The following DOCK10 variants were observed in gnomAD, a reference collection of about 807,000 sequenced individuals.
DOCK10 encodes the protein dedicator of cytokinesis 10, also known as dedicator of cytokinesis protein 10.
In DOCK10, 145 loss-of-function variants were observed where a neutral mutation model predicts 280.1. The observed-to-expected ratio is 0.52, with a 90% confidence interval of 0.45 to 0.59. The LOEUF (loss-of-function observed/expected upper bound fraction) is 0.59. Ranked by LOEUF, DOCK10 falls within the 20% of genes least tolerant of loss-of-function variation. DOCK10 has a pLI of 0.00. For missense variants in DOCK10, 2,368 were observed against 2,651.7 expected (o/e 0.89, Z 2.35); for synonymous variants, 915 against 942.2 (o/e 0.97, Z 0.53).
At chr2:224,837,727 G>A (rs1228481332) in intron 25 of DOCK10, 35 bp downstream of exon 25, 19 of 1,566,066 alleles carry the variant, frequency 1.2e-5, no homozygotes, top group Non-Finnish European at 1.7e-5. Flanking sequence ...CACAGCACAA[G>A]GGGATATGAG....
At chr2:224,949,666 A>G (rs1430980599) in intron 1 of DOCK10, among the ~76,000 whole-genome samples, 1 of 152,218 alleles carries the variant, frequency 6.6e-6, no homozygotes, top group Non-Finnish European at 1.5e-5. Context: ...GGTTAAAATT[A>G]CAGAATCATC....
chr2:225,026,100 G>C (rs570420979), intron 1 of DOCK10, among the ~76,000 whole-genome samples: 43 of 152,192 alleles, frequency 2.8e-4, no homozygotes, highest in Admixed American at 7.9e-4. Flanking sequence ...AAAAGGAAGT[G>C]TCCTCTGGGT....
intron 1 of DOCK10, among the ~76,000 whole-genome samples, chr2:224,961,085 G>A (rs956887745): frequency 1.3e-5 from 2 of 152,076 alleles, no homozygotes; most frequent in Admixed American, 6.5e-5. Context: ...AATCCTCCTC[G>A]TTGCAGCAAC....
chr2:224,806,699 G>A (rs542917694), intron 33 of DOCK10, among the ~76,000 whole-genome samples: 50 of 152,164 alleles, frequency 3.3e-4, no homozygotes, highest in African/African-American at 1.1e-3. Context: ...CAACCTCCTG[G>A]CTCAAGCGAT....
At chr2:224,784,237 C>T (rs1020148620) in intron 50 of DOCK10, among the ~76,000 whole-genome samples, 2 of 152,078 alleles carry the variant, frequency 1.3e-5, no homozygotes, top group African/African-American at 4.8e-5. Context: ...CACCATAGAC[C>T]CCCATCACTC....
chr2:224,874,846 G>A, intron 8 of DOCK10, 95 bp from the exon 9 acceptor site: 2 of 1,086,390 alleles, frequency 1.8e-6, no homozygotes, highest in Non-Finnish European at 2.8e-6. Flanking sequence ...AGGCTTAAGA[G>A]CTAAGAGGGA....
intron 38 of DOCK10, 118 bp from the exon 39 acceptor site, chr2:224,804,331 A>G (rs892260352): frequency 3.4e-6 from 2 of 594,480 alleles, no homozygotes; most frequent in Non-Finnish European, 5.8e-6. Flanking sequence ...CTGTGAATTA[A>G]TCAAAAATAA....
intron 3 of DOCK10, among the ~76,000 whole-genome samples, chr2:224,908,121 G>A (rs148980781): frequency 1.5e-4 from 23 of 149,502 alleles, no homozygotes; most frequent in African/African-American, 5.2e-4. Context: ...CTTGCCGAAC[G>A]TTCTGTGCCT....
intron 25 of DOCK10, among the ~76,000 whole-genome samples, chr2:224,836,910 T>A (rs1029383662): frequency 1.3e-5 from 2 of 152,104 alleles, no homozygotes; most frequent in Non-Finnish European, 2.9e-5. Flanking sequence ...ATTTTTTTTT[T>A]AACAAGTTTC....
intron 2 of DOCK10, among the ~76,000 whole-genome samples, chr2:224,917,110 T>C (rs1422118506): frequency 1.3e-5 from 1 of 76,036 alleles, no homozygotes; most frequent in Non-Finnish European, 3.3e-5. Context: ...TCTTTTTTTT[T>C]TTTTTTTTTT....
chr2:224,846,620 C>T (rs1194889965), intron 19 of DOCK10, among the ~76,000 whole-genome samples: 5 of 151,940 alleles, frequency 3.3e-5, no homozygotes, highest in African/African-American at 4.8e-5. Context: ...CCTCAGCCTC[C>T]CGAGTAGCTG....
intron 40 of DOCK10, among the ~76,000 whole-genome samples, chr2:224,801,061 T>A (rs1388568471): frequency 6.6e-6 from 1 of 152,010 alleles, no homozygotes; most frequent in Non-Finnish European, 1.5e-5. Context: ...GAAAGGCAAT[T>A]GTGGAGACCA....
chr2:224,830,555 T>C lies in DOCK10; in HGVS notation c.3022A>G (p.Thr1008Ala), dbSNP rs1189121471. The C allele has an allele frequency of 6.6e-7, 1 of 1,508,646 alleles. No individual in the cohort carries two copies. Among genetic ancestry groups the C allele is most frequent in the Admixed American group, 1.8e-5 (1 of 54,578 alleles). The allele number at this position is 1,508,646 out of a possible 1,614,324, so 93.5% of individuals were successfully genotyped here. A position where few individuals can be genotyped will look rare whatever the true frequency, so the allele number is the denominator to read the frequency against. Residue 1008 changes from threonine (T) to alanine (A), a missense_variant, in exon 27 of 56, where the codon ACA (threonine) becomes GCA (alanine). Thr to Ala is a moderately conservative substitution (Grantham distance 58, BLOSUM62 0). This residue lies in a region of DOCK10 where 1,209 missense variants were observed against 1,250.9 expected (regional missense o/e 0.97). Coordinates refer to ENST00000258390, the MANE Select transcript of DOCK10 (RefSeq NM_014689.3). ...TATGTTCTTACCTGGATTTTATTTG[T>C]GTCAATCAAGTGCTGTGCCATCGAT... ...LKSMAQHLID[T>A]NKIQLPRPQR...
At chr2:224,940,655 T>G (rs1336924366) in intron 1 of DOCK10, among the ~76,000 whole-genome samples, 1 of 152,152 alleles carries the variant, frequency 6.6e-6, no homozygotes, top group Non-Finnish European at 1.5e-5. Context: ...GATCTCTAAT[T>G]TTCCATTAAG....
intron 1 of DOCK10, among the ~76,000 whole-genome samples, chr2:224,950,572 G>A (rs1307519843): frequency 6.6e-6 from 1 of 152,198 alleles, no homozygotes; most frequent in East Asian, 1.9e-4. Context: ...GGCCATGAAG[G>A]AGATGGGTAA....
chr2:224,928,090 G>A (rs959075870), intron 2 of DOCK10, among the ~76,000 whole-genome samples: 4 of 152,180 alleles, frequency 2.6e-5, no homozygotes, highest in Admixed American at 2.6e-4. Context: ...CTTGCTGACT[G>A]CATGGACACT....
chr2:224,925,452 T>C (rs1369710963), intron 2 of DOCK10, among the ~76,000 whole-genome samples: 1 of 152,192 alleles, frequency 6.6e-6, no homozygotes, highest in Non-Finnish European at 1.5e-5. Flanking sequence ...AATATGAAGA[T>C]GGAATTTGAG....
rs778444390 is a variant in DOCK10, at chr2:224,840,088, A to C, written c.2662-16T>G. ...TCAATAAGTTCTGTAGTAAATTGGCAGAAAAAAAGGATACCAATTAAATTT... is the reference window on the plus strand; with the variant it reads ...TCAATAAGTTCTGTAGTAAATTGGCCGAAAAAAAGGATACCAATTAAATTT... On this transcript the variant is annotated splice_polypyrimidine_tract_variant and intron_variant, in intron 23 of 55. Coordinates refer to ENST00000258390, the MANE Select transcript of DOCK10 (RefSeq NM_014689.3). The C allele has an allele frequency of 4.0e-6, 5 of 1,263,586 alleles. No homozygotes were observed. Among genetic ancestry groups the C allele is most frequent in the Non-Finnish European group, 5.6e-6 (5 of 896,802 alleles). 78.3% of individuals were successfully genotyped at this position (1,263,586 alleles called of 1,614,324 possible).
chr2:225,017,424 G>A (rs1575167528), intron 1 of DOCK10, among the ~76,000 whole-genome samples: 2 of 105,664 alleles, frequency 1.9e-5, no homozygotes, highest in East Asian at 3.2e-4. Flanking sequence ...GAGACAGACA[G>A]AGATTGAGAG....
Sources: gnomAD v4.1 joint callset for allele counts (sites outside exome capture counted in the v4.1 genomes callset) on GRCh38, gnomAD v4.1.1 for gene constraint, gnomAD v4.1.1 regional missense constraint, MANE v1.5 for transcripts, NCBI Gene and HGNC (gene_info 2026-07-23, HGNC 2026-07-21) for gene names.